The following CPEB3 variants were observed in gnomAD, a reference collection of about 807,000 sequenced individuals.
CPEB3 encodes cytoplasmic polyadenylation element-binding protein 3.
In CPEB3, 20 loss-of-function variants were observed where a neutral mutation model predicts 67.2. The ratio of observed to expected loss-of-function variants is 0.30; its 90% CI spans 0.21 to 0.43. The LOEUF (loss-of-function observed/expected upper bound fraction) is 0.43. Ranked by LOEUF, CPEB3 falls within the 20% of genes least tolerant of loss-of-function variation. The pLI, the probability that CPEB3 is intolerant of heterozygous loss-of-function variation, is 1.00. For missense variants in CPEB3, 746 were observed against 968.6 expected, an observed-to-expected ratio of 0.77 and a Z score of 3.05; for synonymous variants, 376 against 393.1, an observed-to-expected ratio of 0.96 and a Z score of 0.51.
In CPEB3 at chr10:92,116,287, C is replaced by T. The variant is rs112660608; in HGVS notation, c.1454-5093G>A. Among the ~76,000 whole-genome samples the T allele has an allele frequency of 3.5e-3, 521 of 150,320 alleles. 3 individuals are homozygous for T. The highest frequency in any genetic ancestry group is 0.012 in the African/African-American group (487 of 41,070). ...AAAAAATAATAATAATAATAATATG[C>T]ACTTTCTATTTTGCATTTGCAAGCA... On this transcript the variant is annotated intron_variant, in intron 6 of 9. Coordinates refer to ENST00000265997, the MANE Select transcript of CPEB3 (RefSeq NM_014912.5).
chr10:92,057,013 C>A (rs916202758), intron 9 of CPEB3, among the ~76,000 whole-genome samples: 7 of 152,312 alleles, frequency 4.6e-5, no homozygotes, highest in Admixed American at 3.3e-4. Flanking sequence ...AGGACCCAGT[C>A]CTGGCAGCAT....
At chr10:92,269,411 C>T (rs1189913740) in intron 1 of CPEB3, among the ~76,000 whole-genome samples, 1 of 152,054 alleles carries the variant, frequency 6.6e-6, no homozygotes, top group East Asian at 1.9e-4. Context: ...TGGAATATAG[C>T]ATTTCACCAT....
intron 6 of CPEB3, among the ~76,000 whole-genome samples, chr10:92,127,049 G>T (rs1590197162): frequency 6.6e-6 from 1 of 152,006 alleles, no homozygotes; most frequent in Admixed American, 6.6e-5. Flanking sequence ...AAAATTCCCT[G>T]CACTCATAAA....
intron 2 of CPEB3, among the ~76,000 whole-genome samples, chr10:92,234,575 T>C (rs2134603428): frequency 6.6e-6 from 1 of 152,348 alleles, no homozygotes; most frequent in South Asian, 2.1e-4. Flanking sequence ...TGCCAATTAC[T>C]GGCTGTGATC....
At chr10:92,207,229 C>G (rs1037602313) in intron 2 of CPEB3, among the ~76,000 whole-genome samples, 1 of 152,072 alleles carries the variant, frequency 6.6e-6, no homozygotes, top group Non-Finnish European at 1.5e-5. Flanking sequence ...GCAATCTGCC[C>G]CCATCGGCCT....
At chr10:92,136,163 T>TAA (rs34079997) in intron 6 of CPEB3, among the ~76,000 whole-genome samples, 17 of 148,880 alleles carry the variant, frequency 1.1e-4, no homozygotes, top group Admixed American at 4.7e-4. Context: ...AGTATAATAA[T>TAA]AAAAAAAAAA....
chr10:92,102,103 C>T (rs1306314236), intron 7 of CPEB3, among the ~76,000 whole-genome samples: 1 of 152,122 alleles, frequency 6.6e-6, no homozygotes, highest in African/African-American at 2.4e-5. Flanking sequence ...ACAAATAGGT[C>T]AGCCAGTTTC....
chr10:92,279,786 G>A (rs532868797), intron 1 of CPEB3, among the ~76,000 whole-genome samples: 5 of 152,266 alleles, frequency 3.3e-5, no homozygotes, highest in African/African-American at 7.2e-5. Flanking sequence ...TGGATCGCTC[G>A]ATCTCTTGAA....
chr10:92,180,928 G>A, intron 4 of CPEB3, 35 bp downstream of exon 4: 1 of 1,053,188 alleles, frequency 9.5e-7, no homozygotes, highest in East Asian at 2.4e-5. Context: ...AAACTTGACT[G>A]CTAATTTAAT....
At chr10:92,117,035 G>GT (rs1406759068) in intron 6 of CPEB3, among the ~76,000 whole-genome samples, 1 of 151,830 alleles carries the variant, frequency 6.6e-6, no homozygotes, top group Non-Finnish European at 1.5e-5. Context: ...TTTTCTTTTT[G>GT]TTTTTTTGAG....
chr10:92,204,726 C>T (rs926182671), intron 2 of CPEB3, among the ~76,000 whole-genome samples: 5 of 151,742 alleles, frequency 3.3e-5, no homozygotes, highest in African/African-American at 1.2e-4. Flanking sequence ...AACTCTAATT[C>T]CAGATAAAAA....
intron 6 of CPEB3, among the ~76,000 whole-genome samples, chr10:92,121,600 T>A (rs1375697780): frequency 2.0e-5 from 3 of 151,582 alleles, no homozygotes; most frequent in Non-Finnish European, 4.4e-5. Context: ...TTTTTTTTTT[T>A]AAGGAATCAA....
chr10:92,245,342 T>C (rs1030205134), intron 1 of CPEB3, among the ~76,000 whole-genome samples: 1 of 151,970 alleles, frequency 6.6e-6, no homozygotes, highest in African/African-American at 2.4e-5. Flanking sequence ...TTCACAACAG[T>C]GGTCAGGCTG....
At position 92,239,520 on chromosome 10, in the gene CPEB3, ACCCACG is replaced by A. The variant is rs779535003; in HGVS notation, c.825_830del (p.Gly281_Val282del). Reference sequence around the variant, plus strand: ...GCGGGGAAGGCACCCCGACACCCACACCCACGCCCACACCGACCGCCCGGCGAGGGT... The same window carrying A: ...GCGGGGAAGGCACCCCGACACCCACACCCACACCGACCGCCCGGCGAGGGT... On this transcript the variant is annotated inframe_deletion, in exon 2 of 10. Coordinates refer to ENST00000265997, the MANE Select transcript of CPEB3 (RefSeq NM_014912.5). This position sits in a 1 kb window ranked among gnomAD's most constrained non-coding sequence, Gnocchi z 6.0. 12 of 1,566,224 alleles carry A rather than the reference ACCCACG, an allele frequency of 7.7e-6. No individual in the cohort carries two copies. In the South Asian group the frequency reaches 9.3e-5, roughly 12 times the overall value.
intron 7 of CPEB3, among the ~76,000 whole-genome samples, chr10:92,101,719 C>T (rs1436481866): frequency 6.6e-6 from 1 of 152,124 alleles, no homozygotes; most frequent in Non-Finnish European, 1.5e-5. Flanking sequence ...CCAGCCTGGC[C>T]AACTTGGTGA....
intron 4 of CPEB3, among the ~76,000 whole-genome samples, chr10:92,161,578 G>C (rs915819516): frequency 1.1e-4 from 16 of 150,974 alleles, no homozygotes; most frequent in Admixed American, 9.9e-4. Flanking sequence ...CAGTGGCTTA[G>C]ATTTGTTTTT....
intron 4 of CPEB3, among the ~76,000 whole-genome samples, chr10:92,160,781 C>T (rs943741002): frequency 5.9e-5 from 9 of 152,194 alleles, no homozygotes; most frequent in East Asian, 1.9e-4. Flanking sequence ...AACCACTAAA[C>T]ATCCAAGTAA....
intron 9 of CPEB3, among the ~76,000 whole-genome samples, chr10:92,054,432 T>C (rs1842036708): frequency 6.6e-6 from 1 of 152,134 alleles, no homozygotes; most frequent in Non-Finnish European, 1.5e-5. Flanking sequence ...GCTACATCTT[T>C]TTTTTTTTGA....
chr10:92,183,144 T>C (rs188830739), intron 3 of CPEB3, among the ~76,000 whole-genome samples: 1 of 152,326 alleles, frequency 6.6e-6, no homozygotes, highest in East Asian at 1.9e-4. Flanking sequence ...GATTAGATCA[T>C]GTTTTCTATT....
Sources: gnomAD v4.1 joint callset for allele counts (sites outside exome capture counted in the v4.1 genomes callset) on GRCh38, gnomAD v4.1.1 for gene constraint, Gnocchi (gnomAD v3.1) non-coding constraint, MANE v1.5 for transcripts, NCBI Gene and HGNC (gene_info 2026-07-23, HGNC 2026-07-21) for gene names.